Variants in RPTOR observed in about 807,000 individuals in gnomAD.
RPTOR encodes the protein regulatory-associated protein of mTOR.
RPTOR carries 21 observed loss-of-function variants against 169.9 expected under a neutral mutation model. The observed-to-expected ratio is 0.12, with a 90% confidence interval of 0.09 to 0.18. RPTOR has a LOEUF of 0.18. Ranked by LOEUF, RPTOR falls within the 10% of genes least tolerant of loss-of-function variation. The pLI is 1.00. For synonymous variants in RPTOR, 732 were observed against 753.2 expected (o/e 0.97, Z 0.46); for missense variants, 1,133 against 1,855.9 (o/e 0.61, Z 7.16).
chr17:80,558,703 C>T (rs959231206), intron 1 of RPTOR, among the ~76,000 whole-genome samples: 2 of 152,100 alleles, frequency 1.3e-5, no homozygotes, highest in Non-Finnish European at 1.5e-5. Flanking sequence ...CATTTTCTTA[C>T]GTAAGCACAG....
At chr17:80,583,173 C>G (rs764729574) in intron 1 of RPTOR, among the ~76,000 whole-genome samples, 2 of 132,118 alleles carry the variant, frequency 1.5e-5, no homozygotes, top group Non-Finnish European at 3.3e-5. Flanking sequence ...TGTCCACTGC[C>G]TCTTTCCTGT....
intron 20 of RPTOR, among the ~76,000 whole-genome samples, chr17:80,907,079 C>T (rs1453341069): frequency 6.6e-6 from 1 of 152,204 alleles, no homozygotes; most frequent in Non-Finnish European, 1.5e-5. Context: ...CCTCCATCTC[C>T]GTGGACTTGA....
At chr17:80,743,312 C>T (rs950083000) in intron 5 of RPTOR, 39 of 985,410 alleles carry the variant, frequency 4.0e-5, no homozygotes, top group Non-Finnish European at 4.2e-5. Flanking sequence ...TGGCAGGGGG[C>T]AGGGCGCTCT....
intron 19 of RPTOR, among the ~76,000 whole-genome samples, 183 bp downstream of exon 19, chr17:80,893,052 G>A (rs2068346170): frequency 6.6e-6 from 1 of 152,230 alleles, no homozygotes; most frequent in Admixed American, 6.5e-5. Flanking sequence ...GGAGGCGTAG[G>A]CCAGCCCCCA....
At position 80,596,062 on chromosome 17, in the gene RPTOR, C is replaced by T. The variant is rs374534870; in HGVS notation, c.163-29629C>T. Among the ~76,000 whole-genome samples, 352 of 152,270 alleles carry T rather than the reference C, an allele frequency of 2.3e-3. 1 individual carries two copies. The highest frequency in any genetic ancestry group is 7.9e-3 in the African/African-American group (328 of 41,550). ...GTCCTAGATTGAACGTGCTTATTAG[C>T]GTGGATATGTTGTGAAGAAATGCAC... On this transcript the variant is annotated intron_variant, in intron 1 of 33. Coordinates refer to ENST00000306801, the MANE Select transcript of RPTOR (RefSeq NM_020761.3).
intron 13 of RPTOR, among the ~76,000 whole-genome samples, chr17:80,874,925 C>T (rs1240774458): frequency 4.6e-5 from 7 of 152,342 alleles, no homozygotes; most frequent in South Asian, 4.1e-4. Flanking sequence ...ACATGAAACA[C>T]GGCCCGTATC....
rs147679701 is a variant in RPTOR at position 80,712,921 on chromosome 17, T to G, written c.507+4922T>G. On this transcript the variant is annotated intron_variant, in intron 4 of 33. Transcript: ENST00000306801. ...TTTTCAATTTCGTAATGATGTGAAA[T>G]TGGGCGTCTTTGCATGTTCTTATTT... Among the ~76,000 whole-genome samples, 198 of 152,344 alleles carry G rather than the reference T, an allele frequency of 1.3e-3. 1 individual carries two copies. The highest frequency in any genetic ancestry group is 4.5e-3 in the African/African-American group (188 of 41,584).
At position 80,956,499 on chromosome 17, in the gene RPTOR, G is replaced by A. The variant is rs373294095; in HGVS notation, c.3371-1125G>A. ...GTCAGCCCCTTGCTGTCTGAAGGCT[G>A]CCGGCCCGTGGCCCATGCCGAGCTC... is the stretch of plus-strand genomic sequence containing the variant. On this transcript the variant is annotated intron_variant, in intron 28 of 33. Coordinates refer to ENST00000306801, the MANE Select transcript of RPTOR (RefSeq NM_020761.3). Among the ~76,000 whole-genome samples the A allele has an allele frequency of 2.0e-4, 30 of 152,380 alleles. No homozygotes were observed. In the East Asian group the frequency reaches 4.4e-3, roughly 23 times the overall value.
chr17:80,552,621 T>C (rs2084359241), intron 1 of RPTOR, among the ~76,000 whole-genome samples: 1 of 152,212 alleles, frequency 6.6e-6, no homozygotes, highest in South Asian at 2.1e-4. Context: ...ACAAAATGGA[T>C]AGTTTACAAA....
chr17:80,608,720 T>C (rs1426494539), intron 1 of RPTOR, among the ~76,000 whole-genome samples: 1 of 152,160 alleles, frequency 6.6e-6, no homozygotes, highest in Non-Finnish European at 1.5e-5. Context: ...CTTTCCCCCC[T>C]TCTTGGTGAT....
intron 4 of RPTOR, among the ~76,000 whole-genome samples, chr17:80,716,047 GT>G (rs2066236865): frequency 6.6e-6 from 1 of 152,192 alleles, no homozygotes; most frequent in South Asian, 2.1e-4. Context: ...AGTATCTTTT[GT>G]GTATAATGAC....
chr17:80,877,354 G>A (rs1031751106), intron 13 of RPTOR, among the ~76,000 whole-genome samples: 9 of 152,164 alleles, frequency 5.9e-5, no homozygotes, highest in South Asian at 2.1e-4. Flanking sequence ...CCTGCCGAGC[G>A]CTGAAAATGA....
At chr17:80,642,509 A>T (rs1197211321) in intron 2 of RPTOR, among the ~76,000 whole-genome samples, 1 of 152,186 alleles carries the variant, frequency 6.6e-6, no homozygotes, top group Non-Finnish European at 1.5e-5. Context: ...AATATTGGGG[A>T]ATGAAATATA....
At chr17:80,893,971 GTC>G (rs1410293687) in intron 20 of RPTOR, 106 bp downstream of exon 20, 2 of 1,183,478 alleles carry the variant, frequency 1.7e-6, no homozygotes, top group African/African-American at 3.2e-5. Flanking sequence ...TGTCAAAACT[GTC>G]TGTTCAAAAG....
At chr17:80,719,214 T>G (rs2066264502) in intron 4 of RPTOR, among the ~76,000 whole-genome samples, 1 of 151,886 alleles carries the variant, frequency 6.6e-6, no homozygotes, top group African/African-American at 2.4e-5. Flanking sequence ...CAGAAGAGGA[T>G]CCTGGCAGGT....
chr17:80,631,496 G>A (rs1238450368), intron 2 of RPTOR, among the ~76,000 whole-genome samples: 1 of 152,172 alleles, frequency 6.6e-6, no homozygotes, highest in Non-Finnish European at 1.5e-5. Flanking sequence ...TCAAAGATGG[G>A]CTGTGCATGT....
chr17:80,944,267 C>G (rs2069070969), intron 25 of RPTOR, among the ~76,000 whole-genome samples: 1 of 152,246 alleles, frequency 6.6e-6, no homozygotes, highest in Admixed American at 6.5e-5. Flanking sequence ...GACCCCCGGA[C>G]TTTGGCTGCA....
rs117170038 is a variant in RPTOR, at chr17:80,627,047, G to C, written c.265+1254G>C. ...ACCTCATATCAGTAGACTGATATTT[G>C]TCCCTTTGTTTCTGCCTTCTTTCAC... On this transcript the variant is annotated intron_variant, in intron 2 of 33. Coordinates refer to ENST00000306801, the MANE Select transcript of RPTOR (RefSeq NM_020761.3). Among the ~76,000 whole-genome samples, 26 of 152,206 alleles carry C rather than the reference G, an allele frequency of 1.7e-4. No homozygotes were observed. The East Asian group carries it at 4.8e-3, about 28-fold the overall frequency.
At chr17:80,675,345 G>A (rs531224370) in intron 3 of RPTOR, among the ~76,000 whole-genome samples, 20 of 152,276 alleles carry the variant, frequency 1.3e-4, no homozygotes, top group African/African-American at 4.6e-4. Context: ...GGACTATGAA[G>A]TTTGCTTCTA....
Sources: gnomAD v4.1 joint callset for allele counts (sites outside exome capture counted in the v4.1 genomes callset) on GRCh38, gnomAD v4.1.1 for gene constraint, MANE v1.5 for transcripts, NCBI Gene and HGNC (gene_info 2026-07-23, HGNC 2026-07-21) for gene names.